Variants in CELF2 observed in about 807,000 individuals in gnomAD.
CELF2 encodes the protein CUGBP Elav-like family member 2.
In CELF2, 8 loss-of-function variants were observed where a neutral mutation model predicts 62.6. The observed-to-expected ratio is 0.13, with a 90% CI of 0.07 to 0.23. The LOEUF (loss-of-function observed/expected upper bound fraction) is 0.23. Among genes scored for constraint, CELF2 ranks in the 10% least tolerant of loss-of-function variants. The pLI, the probability that CELF2 is intolerant of heterozygous loss-of-function variation, is 1.00. For missense variants in CELF2, 333 were observed against 671.0 expected, an observed-to-expected ratio of 0.50 and a Z score of 5.56; for synonymous variants, 258 against 250.0, an observed-to-expected ratio of 1.03 and a Z score of -0.30.
the CELF2 span, among the ~76,000 whole-genome samples, chr10:10,467,027 T>C: frequency 2.0e-5 from 3 of 152,034 alleles, no homozygotes; most frequent in African/African-American, 7.2e-5. Context: ...AAGCACAATA[T>C]ACTTTCATTT....
intron 2 of CELF2, among the ~76,000 whole-genome samples, chr10:10,985,618 G>A (rs1438807749): frequency 6.6e-6 from 1 of 152,210 alleles, no homozygotes. Context: ...GCTGGTTCAT[G>A]CTAGAAACAG....
chr10:10,819,870 G>A (rs1159236459), intron 1 of CELF2, among the ~76,000 whole-genome samples: 1 of 151,938 alleles, frequency 6.6e-6, no homozygotes, highest in Non-Finnish European at 1.5e-5. Context: ...TATGTTATCT[G>A]GGTGGTCCCT....
the CELF2 span, among the ~76,000 whole-genome samples, chr10:10,667,652 G>A: frequency 6.6e-6 from 1 of 152,188 alleles, no homozygotes; most frequent in Non-Finnish European, 1.5e-5. Context: ...TCTCCCGTGT[G>A]TGGGCTTATG....
At chr10:10,619,590 C>T in the CELF2 span, among the ~76,000 whole-genome samples, 1 of 152,250 alleles carries the variant, frequency 6.6e-6, no homozygotes, top group Non-Finnish European at 1.5e-5. Flanking sequence ...TTCCATGTTC[C>T]CTATGGTCTT....
the CELF2 span, among the ~76,000 whole-genome samples, chr10:10,609,980 C>T: frequency 6.6e-6 from 1 of 152,160 alleles, no homozygotes; most frequent in Non-Finnish European, 1.5e-5. Flanking sequence ...TTTTAACTTT[C>T]GTATTCAATG....
At chr10:10,507,360 A>G in the CELF2 span, among the ~76,000 whole-genome samples, 28 of 152,218 alleles carry the variant, frequency 1.8e-4, no homozygotes, top group Non-Finnish European at 3.5e-4. Flanking sequence ...ACTTCCACCA[A>G]TGTCACAGGA....
the CELF2 span, among the ~76,000 whole-genome samples, chr10:10,782,577 C>T: frequency 6.6e-6 from 1 of 152,150 alleles, no homozygotes; most frequent in East Asian, 1.9e-4. Flanking sequence ...CCTCATAGCC[C>T]AGTCTAGTTA....
At chr10:10,468,973 G>A in the CELF2 span, among the ~76,000 whole-genome samples, 13 of 151,674 alleles carry the variant, frequency 8.6e-5, no homozygotes, top group Non-Finnish European at 1.9e-4. Flanking sequence ...CTCTTCAGAC[G>A]TTTTATAAAA....
intron 1 of CELF2, among the ~76,000 whole-genome samples, chr10:11,028,863 G>T (rs1328596116): frequency 6.6e-6 from 1 of 151,728 alleles, no homozygotes; most frequent in South Asian, 2.1e-4. Context: ...GAGATTACAG[G>T]CCCCCACCTG....
chr10:11,038,759 C>G (rs1444806455), intron 1 of CELF2, among the ~76,000 whole-genome samples: 1 of 152,144 alleles, frequency 6.6e-6, no homozygotes, highest in Non-Finnish European at 1.5e-5. Flanking sequence ...GGTGCTCTAA[C>G]ATTAGTATAA....
rs964404492 is a variant in CELF2, at chr10:10,928,897, A to C, written c.89+8898A>C. On this transcript the variant is annotated intron_variant, in intron 2 of 13. Transcript: ENST00000636488. The surrounding 1 kb of genome is among the most constrained non-coding windows in gnomAD (Gnocchi z 4.8). ...CCTGGAACATAGTAGGCACGAATAA[A>C]TATTTGCATAAGTGTTTGACCGTCT... Among the ~76,000 whole-genome samples, 12 of 152,346 alleles carry C rather than the reference A, an allele frequency of 7.9e-5. No homozygotes were observed. The highest frequency in any genetic ancestry group is 2.9e-4 in the African/African-American group (12 of 41,588).
the CELF2 span, among the ~76,000 whole-genome samples, chr10:10,697,125 A>G: frequency 6.6e-6 from 1 of 152,198 alleles, no homozygotes; most frequent in Non-Finnish European, 1.5e-5. Flanking sequence ...AGACAAAAAA[A>G]AAAAAGTGGT....
In CELF2 at chr10:11,098,902, G is replaced by A. The variant is rs118097047; in HGVS notation, c.75-66584G>A. Among the ~76,000 whole-genome samples, 2,883 of 152,280 alleles carry A rather than the reference G, an allele frequency of 0.019. 56 individuals carry two copies. The highest frequency in any genetic ancestry group is 0.041 in the Middle Eastern group (12 of 294). On this transcript the variant is annotated intron_variant, in intron 1 of 12. Coordinates refer to ENST00000633077, the MANE Select transcript of CELF2 (RefSeq NM_001326342.2). This position sits in a 1 kb window ranked among gnomAD's most constrained non-coding sequence, Gnocchi z 4.0. ...AACCTCTCTCATCCCCTCAGTTTGG[G>A]CACAGTCCAGCAGGAGAATATTTAA...
At chr10:11,133,289 T>C (rs1375674871) in intron 1 of CELF2, among the ~76,000 whole-genome samples, 1 of 152,174 alleles carries the variant, frequency 6.6e-6, no homozygotes, top group Non-Finnish European at 1.5e-5. Flanking sequence ...GGAACCTACA[T>C]TTCTTACTTT....
At chr10:11,238,360 G>A (rs1416275784) in intron 3 of CELF2, among the ~76,000 whole-genome samples, 1 of 152,150 alleles carries the variant, frequency 6.6e-6, no homozygotes, top group Admixed American at 6.5e-5. Context: ...TTCATACGTT[G>A]AATCTTTCCA....
intron 1 of CELF2, among the ~76,000 whole-genome samples, chr10:10,808,948 A>G (rs182011821): frequency 5.9e-5 from 9 of 152,286 alleles, no homozygotes; most frequent in Admixed American, 5.9e-4. Context: ...TTATACATAA[A>G]TCCATTTGAT....
intron 1 of CELF2, among the ~76,000 whole-genome samples, chr10:11,114,505 A>G (rs2056077628): frequency 6.6e-6 from 1 of 152,206 alleles, no homozygotes; most frequent in South Asian, 2.1e-4. Flanking sequence ...AAAGTTGCTA[A>G]TGTTCTTACT....
chr10:10,491,615 C>G, the CELF2 span, among the ~76,000 whole-genome samples: 2 of 152,164 alleles, frequency 1.3e-5, no homozygotes, highest in Non-Finnish European at 2.9e-5. Context: ...CATGATGGAG[C>G]ATTCATGAAT....
At chr10:11,127,957 A>G (rs1008825366) in intron 1 of CELF2, among the ~76,000 whole-genome samples, 5 of 152,170 alleles carry the variant, frequency 3.3e-5, no homozygotes, top group Non-Finnish European at 7.3e-5. Flanking sequence ...GTCCTTGCCC[A>G]TGCCTATATC....
Sources: allele counts gnomAD v4.1 joint callset (sites outside exome capture counted in the v4.1 genomes callset), GRCh38; gene constraint gnomAD v4.1.1; non-coding constraint Gnocchi (gnomAD v3.1); transcripts MANE v1.5; gene names NCBI Gene and HGNC (gene_info 2026-07-23, HGNC 2026-07-21).